CEP41: variants seen among roughly 807,000 people sequenced by gnomAD.
CEP41 encodes centrosomal protein of 41 kDa.
A neutral mutation model predicts 44.3 loss-of-function variants in CEP41; 32 were observed. That is an observed-to-expected ratio of 0.72 (90% CI 0.54 to 0.97). The LOEUF (loss-of-function observed/expected upper bound fraction) is 0.97, where lower values mean the gene tolerates loss of function less well. Among genes scored for constraint, CEP41 ranks in the 50% least tolerant of loss-of-function variants. CEP41 has a pLI of 0.00. For missense variants in CEP41, 432 were observed against 455.2 expected, an observed-to-expected ratio of 0.95 and a Z score of 0.46; for synonymous variants, 151 against 168.5, an observed-to-expected ratio of 0.90 and a Z score of 0.80.
chr7:130,429,932 G>A (rs918878371), intron 1 of CEP41, among the ~76,000 whole-genome samples: 2 of 152,178 alleles, frequency 1.3e-5, no homozygotes, highest in Non-Finnish European at 2.9e-5. Context: ...AGTGAATACC[G>A]AAAATGAAGA....
intron 9 of CEP41, chr7:130,400,456 C>G: frequency 3.1e-6 from 2 of 643,742 alleles, no homozygotes; most frequent in Admixed American, 2.5e-5. Context: ...GAGAATTCCA[C>G]AAGAAATCCT....
Position 130,396,919 on chromosome 7 carries a change from G to C in CEP41, c.*1972C>G, listed in dbSNP as rs561584866. ...TGTCTGACGATGGGAACGCAGAATCGGAACAAGGAGGGAAGACCATTTACT... is the reference window on the plus strand; with the variant it reads ...TGTCTGACGATGGGAACGCAGAATCCGAACAAGGAGGGAAGACCATTTACT... On this transcript the variant is annotated 3_prime_UTR_variant, in exon 11 of 11. Coordinates refer to ENST00000223208, the MANE Select transcript of CEP41 (RefSeq NM_018718.3). The C allele has an allele frequency of 4.4e-6, 2 of 450,156 alleles. No individual in the cohort carries two copies. The highest frequency in any genetic ancestry group is 8.9e-6 in the Non-Finnish European group (2 of 225,124). The allele number at this position is 450,156 out of a possible 1,614,324, so 27.9% of individuals were successfully genotyped here.
At chr7:130,415,815 T>C (rs903509977) in intron 3 of CEP41, among the ~76,000 whole-genome samples, 7 of 152,140 alleles carry the variant, frequency 4.6e-5, no homozygotes, top group African/African-American at 1.7e-4. Context: ...ATGCGATCTT[T>C]CTCCAGAGTT....
chr7:130,432,008 CTAAATACCCTACAA>C (rs1375151691), intron 1 of CEP41, among the ~76,000 whole-genome samples: 2 of 152,072 alleles, frequency 1.3e-5, no homozygotes, highest in African/African-American at 4.8e-5. Context: ...AGGGGTGCTG[CTAAATACCCTACAA>C]TTACAGGACA....
intron 2 of CEP41, among the ~76,000 whole-genome samples, chr7:130,425,766 G>T (rs1797643143): frequency 6.6e-6 from 1 of 152,160 alleles, no homozygotes; most frequent in Non-Finnish European, 1.5e-5. Flanking sequence ...CCTTCAACAG[G>T]TGAATGGTTA....
intron 1 of CEP41, among the ~76,000 whole-genome samples, 168 bp from the exon 2 acceptor site, chr7:130,428,186 G>A (rs373945921): frequency 9.2e-5 from 14 of 152,136 alleles, no homozygotes; most frequent in South Asian, 8.3e-4. Flanking sequence ...CACTTTAGGA[G>A]GCCGAGGTGG....
At chr7:130,400,913 G>C (rs552328586) in intron 8 of CEP41, 92 bp from the exon 9 acceptor site, 2 of 832,110 alleles carry the variant, frequency 2.4e-6, no homozygotes, top group Non-Finnish European at 4.1e-6. Context: ...AGGTCCACCT[G>C]TCTGAGTTCC....
rs782310225 is a variant in CEP41, at chr7:130,396,391, T to A, written c.*2500A>T. The A allele has an allele frequency of 4.8e-5, 22 of 454,228 alleles. No homozygotes were observed. Among genetic ancestry groups the A allele is most frequent in the Non-Finnish European group, 7.1e-5 (16 of 226,804 alleles). The allele number at this position is 454,228 out of a possible 1,614,324, so 28.1% of individuals were successfully genotyped here. A position where few individuals can be genotyped will look rare whatever the true frequency, so the allele number is the denominator to read the frequency against. On this transcript the variant is annotated 3_prime_UTR_variant, in exon 11 of 11. Coordinates refer to ENST00000223208, the MANE Select transcript of CEP41 (RefSeq NM_018718.3). ...CCCTGCCCTAATTGGACTGATTTCC[T>A]GATTCATTTATTTTTTTTAAAAAAT...
chr7:130,437,375 A>AG (rs1797997499), intron 1 of CEP41, among the ~76,000 whole-genome samples: 1 of 151,546 alleles, frequency 6.6e-6, no homozygotes, highest in Admixed American at 6.6e-5. Context: ...CAAAAAAAAA[A>AG]GGTTCCACAA....
chr7:130,420,321 T>G (rs1287647828), intron 2 of CEP41: 1 of 95,498 alleles, frequency 1.0e-5, no homozygotes, highest in Non-Finnish European at 1.9e-5. Flanking sequence ...AGAGTGAGAC[T>G]CTATCTCAAA....
At position 130,405,542 on chromosome 7, in the gene CEP41, C is replaced by T. The variant is rs539028954; in HGVS notation, c.278-834G>A. Among the ~76,000 whole-genome samples, 83 of 152,116 alleles carry T rather than the reference C, an allele frequency of 5.5e-4. 1 individual carries two copies. Among genetic ancestry groups the T allele is most frequent in the African/African-American group, 1.9e-3 (79 of 41,496 alleles). On this transcript the variant is annotated intron_variant, in intron 5 of 10. Coordinates refer to ENST00000223208, the MANE Select transcript of CEP41 (RefSeq NM_018718.3). ...GAGCTGCTTCCCCATGCTTACAGAC[C>T]TTTTTGGTAAGATAGATAGTGAGAA...
intron 2 of CEP41, among the ~76,000 whole-genome samples, chr7:130,427,720 C>T (rs1554424023): frequency 6.6e-6 from 1 of 152,074 alleles, no homozygotes; most frequent in African/African-American, 2.4e-5. Context: ...ATTTCATTTT[C>T]TCAGTTTATA....
chr7:130,441,064 C>T (rs1192131889), upstream of CEP41: 1 of 1,354,674 alleles, frequency 7.4e-7, no homozygotes, highest in Admixed American at 1.7e-5. Flanking sequence ...CCTCCCTATA[C>T]CCTCTTCTCC....
chr7:130,412,802 T>C (rs552846093), intron 3 of CEP41, among the ~76,000 whole-genome samples: 2 of 152,334 alleles, frequency 1.3e-5, no homozygotes, highest in African/African-American at 4.8e-5. Flanking sequence ...GGCACACAGC[T>C]GTGATTGGTT....
intron 2 of CEP41, chr7:130,419,339 C>A: frequency 1.6e-5 from 16 of 985,354 alleles, no homozygotes; most frequent in Non-Finnish European, 1.9e-5. Context: ...ATGGCTGACA[C>A]AAAAATACCC....
intron 1 of CEP41, among the ~76,000 whole-genome samples, chr7:130,433,392 T>C (rs1252138254): frequency 2.1e-5 from 3 of 145,946 alleles, no homozygotes; most frequent in African/African-American, 7.6e-5. Flanking sequence ...ATAAGAGAGG[T>C]TGAAAATGGT....
chr7:130,400,151 G>A lies in CEP41; in HGVS notation c.861C>T (p.Ser287=), dbSNP rs1796799028. ...ALPPGSARKR[S]SPKGPPLPAE... is the part of the protein sequence containing the mutation. ...CTGGTAGGGGTGGCCCTTTGGGGCTGGATCGTTTCCGGGCAGACCCAGGAG... is the reference window on the plus strand; with the variant it reads ...CTGGTAGGGGTGGCCCTTTGGGGCTAGATCGTTTCCGGGCAGACCCAGGAG... The change falls in exon 10 of 11, where the codon TCC becomes TCT. Residue 287 remains serine (S), a synonymous_variant. Coordinates refer to ENST00000223208, the MANE Select transcript of CEP41 (RefSeq NM_018718.3). 2 of 1,613,894 alleles carry A rather than the reference G, an allele frequency of 1.2e-6. No individual in the cohort carries two copies. The highest frequency in any genetic ancestry group is 4.5e-5 in the East Asian group (2 of 44,882).
At chr7:130,411,222 G>C (rs1562984169) in intron 4 of CEP41, 31 bp from the exon 5 acceptor site, 2 of 1,569,740 alleles carry the variant, frequency 1.3e-6, no homozygotes, top group African/African-American at 2.7e-5. Context: ...ATGTGTGGAT[G>C]TTTGTTTGTT....
chr7:130,400,533 A>G, intron 9 of CEP41, 174 bp downstream of exon 9: 1 of 657,972 alleles, frequency 1.5e-6, no homozygotes, highest in Non-Finnish European at 2.7e-6. Flanking sequence ...AATTAAAAAC[A>G]TGTGCTGATG....
Sources: gnomAD v4.1 joint callset for allele counts (sites outside exome capture counted in the v4.1 genomes callset) on GRCh38, gnomAD v4.1.1 for gene constraint, MANE v1.5 for transcripts, NCBI Gene and HGNC (gene_info 2026-07-23, HGNC 2026-07-21) for gene names.